The following PDE3A variants were observed in gnomAD, a reference collection of about 807,000 sequenced individuals.
PDE3A encodes the protein phosphodiesterase 3A, also known as cGMP-inhibited 3',5'-cyclic phosphodiesterase 3A.
A neutral mutation model predicts 98.3 loss-of-function variants in PDE3A; 43 were observed. That is an observed-to-expected ratio of 0.44 (90% CI 0.34 to 0.56). PDE3A has a LOEUF of 0.56. PDE3A is among the 20% of genes least tolerant of loss of function. PDE3A has a pLI of 0.01. For synonymous variants in PDE3A, 663 were observed against 567.9 expected, an observed-to-expected ratio of 1.17 and a Z score of -2.38; for missense variants, 1,427 against 1,440.7, an observed-to-expected ratio of 0.99 and a Z score of 0.15.
chr12:20,641,257 G>T (rs4583026), intron 10 of PDE3A, among the ~76,000 whole-genome samples: 59,704 of 151,856 alleles, frequency 0.39, 12,221 homozygotes, highest in East Asian at 0.69. Context: ...TTGGAGTACG[G>T]GAAAGAGGAG....
At chr12:20,668,260 T>G (rs957532838) in intron 15 of PDE3A, among the ~76,000 whole-genome samples, 1 of 152,110 alleles carries the variant, frequency 6.6e-6, no homozygotes, top group Non-Finnish European at 1.5e-5. Flanking sequence ...AAGGCGGCAG[T>G]GAGGCTGGGG....
In PDE3A at chr12:20,680,506, G is replaced by A; in HGVS notation, c.*235G>A. On this transcript the variant is annotated 3_prime_UTR_variant, in exon 16 of 16. Transcript: ENST00000359062. ...CCAGCTTCTAAGGATTTTTTAAGGA[G>A]GGAATATATATGTGTGTGTGTATAT... 1 of 503,100 alleles carries A rather than the reference G, an allele frequency of 2.0e-6. No individual in the cohort carries two copies. Among genetic ancestry groups the A allele is most frequent in the Non-Finnish European group, 3.6e-6 (1 of 276,646 alleles). The allele number at this position is 503,100 out of a possible 1,614,324, so 31.2% of individuals were successfully genotyped here. A position where few individuals can be genotyped will look rare whatever the true frequency, so the allele number is the denominator to read the frequency against.
chr12:20,482,169 G>C (rs1945642333), intron 1 of PDE3A, among the ~76,000 whole-genome samples: 1 of 151,670 alleles, frequency 6.6e-6, no homozygotes, highest in Admixed American at 6.6e-5. Context: ...TTACATAATT[G>C]ATCATTTAAC....
At chr12:20,671,025 C>T (rs1319594775) in intron 15 of PDE3A, among the ~76,000 whole-genome samples, 24 of 112,914 alleles carry the variant, frequency 2.1e-4, no homozygotes, top group Non-Finnish European at 3.2e-4. Flanking sequence ...ATATCACCAC[C>T]GATCCCACAG....
intron 1 of PDE3A, among the ~76,000 whole-genome samples, chr12:20,496,933 G>A (rs1945930709): frequency 6.6e-6 from 1 of 152,296 alleles, no homozygotes; most frequent in South Asian, 2.1e-4. Flanking sequence ...GCAGGGAGAT[G>A]AACTCAGGAA....
At chr12:20,468,648 A>G (rs888850548) in intron 1 of PDE3A, among the ~76,000 whole-genome samples, 2 of 152,184 alleles carry the variant, frequency 1.3e-5, no homozygotes, top group Non-Finnish European at 2.9e-5. Context: ...AGCTCCAAGC[A>G]TGCCAGACCT....
intron 2 of PDE3A, among the ~76,000 whole-genome samples, chr12:20,598,458 C>T (rs765686619): frequency 4.6e-5 from 7 of 152,046 alleles, no homozygotes; most frequent in Non-Finnish European, 8.8e-5. Flanking sequence ...GGATTACAGG[C>T]GTGAGCTACC....
At chr12:20,434,656 A>G (rs1422196814) in intron 1 of PDE3A, among the ~76,000 whole-genome samples, 1 of 152,172 alleles carries the variant, frequency 6.6e-6, no homozygotes, top group Non-Finnish European at 1.5e-5. Flanking sequence ...TGGTGCTGAG[A>G]AGAAACTATG....
At chr12:20,652,338 A>C (rs1344946846) in intron 14 of PDE3A, among the ~76,000 whole-genome samples, 2 of 152,138 alleles carry the variant, frequency 1.3e-5, no homozygotes, top group Non-Finnish European at 2.9e-5. Flanking sequence ...CCTGAGGAAT[A>C]GCCACACTGA....
intron 1 of PDE3A, among the ~76,000 whole-genome samples, chr12:20,490,377 C>G (rs1324194420): frequency 6.6e-6 from 1 of 152,130 alleles, no homozygotes; most frequent in Non-Finnish European, 1.5e-5. Flanking sequence ...AGTGATGAGG[C>G]AAAATTGTTC....
chr12:20,672,503 A>G (rs1014109582), intron 15 of PDE3A, among the ~76,000 whole-genome samples: 2 of 151,978 alleles, frequency 1.3e-5, no homozygotes, highest in Non-Finnish European at 2.9e-5. Flanking sequence ...AAACAGAGAT[A>G]TACAAGAATG....
chr12:20,386,102 T>TATATATAAAATATATATAA (rs1565532520), intron 1 of PDE3A, among the ~76,000 whole-genome samples: 2 of 14,618 alleles, frequency 1.4e-4, no homozygotes, highest in African/African-American at 3.6e-4. Context: ...TATATATAAA[T>TATATATAAAATATATATAA]ATATATATAA....
intron 2 of PDE3A, among the ~76,000 whole-genome samples, chr12:20,589,068 G>A (rs372565774): frequency 8.6e-5 from 13 of 151,802 alleles, no homozygotes; most frequent in Non-Finnish European, 1.6e-4. Flanking sequence ...GAGTACAGGC[G>A]CCTGCCACCA....
In PDE3A at chr12:20,681,596, G is replaced by A. The variant is rs896922423; in HGVS notation, c.*1325G>A. ...AGGTCCCACTGACAACCCCTGTTGT[G>A]GTGTTCCACACGCTGTTTGTTGGGG... is the stretch of plus-strand genomic sequence containing the variant. On this transcript the variant is annotated 3_prime_UTR_variant, in exon 16 of 16. Coordinates refer to ENST00000359062, the MANE Select transcript of PDE3A (RefSeq NM_000921.5). The A allele has an allele frequency of 2.6e-5, 4 of 152,190 alleles. No individual in the cohort carries two copies. Among genetic ancestry groups the A allele is most frequent in the Non-Finnish European group, 4.4e-5 (3 of 68,042 alleles). The allele number at this position is 152,190 out of a possible 1,614,324, so 9.4% of individuals were successfully genotyped here.
chr12:20,540,684 T>A (rs989079222), intron 1 of PDE3A, among the ~76,000 whole-genome samples: 1 of 152,038 alleles, frequency 6.6e-6, no homozygotes, highest in Non-Finnish European at 1.5e-5. Context: ...AATTTAAGAA[T>A]TAGAATTGTG....
chr12:20,601,387 A>C (rs1439615596), intron 2 of PDE3A, among the ~76,000 whole-genome samples: 3 of 152,164 alleles, frequency 2.0e-5, no homozygotes, highest in African/African-American at 7.2e-5. Context: ...TTAAGTGTAG[A>C]AGAGGCAAGT....
In PDE3A at chr12:20,659,678, C is replaced by T. The variant is rs185043119; in HGVS notation, c.3184+5473C>T. On this transcript the variant is annotated intron_variant, in intron 15 of 15. Coordinates refer to ENST00000359062, the MANE Select transcript of PDE3A (RefSeq NM_000921.5). ...TTTGGAACCCCTGACGTCAAGTGAT[C>T]CTCTTGCTTCAGCCTCCCAAGTAGC... 1.8e-3 allele frequency among the ~76,000 whole-genome samples: 273 copies of T among 152,210 alleles called. 1 individual carries two copies. In the Middle Eastern group the frequency reaches 0.024, roughly 13 times the overall value.
rs1591952838 is a variant in PDE3A at position 20,457,602 on chromosome 12, G to A, written c.960+87358G>A. 4.0e-5 allele frequency among the ~76,000 whole-genome samples: 6 copies of A among 151,128 alleles called. No individual in the cohort carries two copies. The South Asian group carries it at 6.3e-4, about 16-fold the overall frequency. On this transcript the variant is annotated intron_variant, in intron 1 of 15. Transcript: ENST00000359062. ...TTATCTTAGTGATTGACCCAGAATA[G>A]AATACAGATTTTCTTAAGTTTCAAT... is the stretch of plus-strand genomic sequence containing the variant.
Position 20,369,455 on chromosome 12 carries a change from CT to C in PDE3A, c.172del (p.Ser58LeufsTer21). On this transcript the variant is annotated frameshift_variant, in exon 1 of 16. Transcript: ENST00000359062. LOFTEE classifies it high-confidence loss of function. ...ACCTGGTGCTGCAGCCGCTCCGGAG[CT>C]CTCGGAAACTTTCCTCCGCGCTGTG... is the stretch of plus-strand genomic sequence containing the variant. The part of the protein sequence containing the change: ...GDLVLQPLRS[S>X]RKLSSALCAG... The C allele has an allele frequency of 6.4e-7, 1 of 1,555,806 alleles. No homozygotes were observed. The highest frequency in any genetic ancestry group is 8.7e-7 in the Non-Finnish European group (1 of 1,150,514).
Sources: gnomAD v4.1 joint callset for allele counts (sites outside exome capture counted in the v4.1 genomes callset) on GRCh38, gnomAD v4.1.1 for gene constraint, MANE v1.5 for transcripts, NCBI Gene and HGNC (gene_info 2026-07-23, HGNC 2026-07-21) for gene names.